SLC25A34: variants seen among roughly 807,000 people sequenced by gnomAD.
SLC25A34 encodes solute carrier family 25, member 34.
Under a neutral mutation model 28.1 loss-of-function variants are expected in SLC25A34, and 26 were observed. That is an observed-to-expected ratio of 0.93 (90% confidence interval 0.68 to 1.28). The LOEUF (loss-of-function observed/expected upper bound fraction) is 1.28, where lower values mean the gene tolerates loss of function less well. Among genes scored for constraint, SLC25A34 ranks in the 50% most tolerant of loss-of-function variants. The pLI, the probability that SLC25A34 is intolerant of heterozygous loss-of-function variation, is 0.00. For synonymous variants in SLC25A34, 182 were observed against 182.2 expected, an observed-to-expected ratio of 1.00 and a Z score of 0.01; for missense variants, 384 against 409.8, an observed-to-expected ratio of 0.94 and a Z score of 0.54.
At chr1:15,736,889 C>T in intron 1 of SLC25A34, 26 bp downstream of exon 1, 1 of 1,495,634 alleles carries the variant, frequency 6.7e-7, no homozygotes, top group Non-Finnish European at 8.9e-7. Context: ...CCATCGTCCA[C>T]CCTCCACCAT....
intron 1 of SLC25A34, 113 bp downstream of exon 1, chr1:15,736,976 C>A: frequency 8.5e-7 from 1 of 1,173,546 alleles, no homozygotes; most frequent in Non-Finnish European, 1.1e-6. Context: ...GTGGGGCAGC[C>A]GGGGTGGGGC....
chr1:15,738,079 C>G lies in SLC25A34; in HGVS notation c.445-14C>G, dbSNP rs2068243018. 6.2e-7 allele frequency: 1 copy of G among 1,610,918 alleles called. No homozygotes were observed. Among genetic ancestry groups the G allele is most frequent in the Non-Finnish European group, 8.5e-7 (1 of 1,178,270 alleles). On this transcript the variant is annotated splice_polypyrimidine_tract_variant and intron_variant, in intron 2 of 4. Coordinates refer to ENST00000294454, the MANE Select transcript of SLC25A34 (RefSeq NM_207348.3). ...GGCAGGGGTGGCCAGTGACCCCGTG[C>G]CCTCTCCCCACAGACTGTCCTGGGT...
At position 15,741,195 on chromosome 1, in the gene SLC25A34, C is replaced by T. The variant is rs1398289474; in HGVS notation, c.*1789C>T. 6.6e-6 allele frequency: 1 copy of T among 152,510 alleles called. No homozygotes were observed. The highest frequency in any genetic ancestry group is 1.9e-4 in the East Asian group (1 of 5,190). The allele number at this position is 152,510 out of a possible 1,614,324, so 9.4% of individuals were successfully genotyped here. Reference sequence around the variant, plus strand: ...GCCTTTCTCTAGACTGAGCACCATTCCCCGTGGGTGTGCTCTCAGCGCCGC... The same window carrying T: ...GCCTTTCTCTAGACTGAGCACCATTTCCCGTGGGTGTGCTCTCAGCGCCGC... On this transcript the variant is annotated 3_prime_UTR_variant, in exon 5 of 5. Coordinates refer to ENST00000294454, the MANE Select transcript of SLC25A34 (RefSeq NM_207348.3).
In SLC25A34 at chr1:15,739,367, T is replaced by A. The variant is rs753334582; in HGVS notation, c.876T>A (p.Leu292=). 1 of 1,575,492 alleles carries A rather than the reference T, an allele frequency of 6.3e-7. No individual in the cohort carries two copies. Among genetic ancestry groups the A allele is most frequent in the South Asian group, 1.1e-5 (1 of 87,474 alleles). ...TILSMLFWDE[L]RKLAGRAQHK... Reference sequence around the variant, plus strand: ...TCAGCATGCTCTTCTGGGACGAGCTTCGGAAACTGGCTGGGCGGGCCCAGC... The same window carrying A: ...TCAGCATGCTCTTCTGGGACGAGCTACGGAAACTGGCTGGGCGGGCCCAGC... The change falls in exon 5 of 5, where the codon CTT becomes CTA. Residue 292 remains leucine (L), a synonymous_variant. Transcript: ENST00000294454.
chr1:15,738,489 C>T (rs2068247695), intron 3 of SLC25A34, 105 bp from the exon 4 acceptor site: 6 of 1,479,714 alleles, frequency 4.1e-6, no homozygotes, highest in Non-Finnish European at 4.5e-6. Flanking sequence ...CATCTGCTCC[C>T]CTTTCTGTAG....
Position 15,739,460 on chromosome 1 carries a change from G to A in SLC25A34, c.*54G>A. 1 of 1,482,566 alleles carries A rather than the reference G, an allele frequency of 6.7e-7. No individual in the cohort carries two copies. The highest frequency in any genetic ancestry group is 8.9e-7 in the Non-Finnish European group (1 of 1,118,816). The allele number at this position is 1,482,566 out of a possible 1,614,324, so 91.8% of individuals were successfully genotyped here. ...ACGGCCGGCACTTGGCCGGAAGTGA[G>A]AGCCTGCTCCAGGACAACTGGCTGT... On this transcript the variant is annotated 3_prime_UTR_variant, in exon 5 of 5. Transcript: ENST00000294454.
intron 1 of SLC25A34, among the ~76,000 whole-genome samples, chr1:15,737,484 C>T (rs2068235461): frequency 6.6e-6 from 1 of 151,628 alleles, no homozygotes; most frequent in African/African-American, 2.4e-5. Flanking sequence ...GCAGGAGAAT[C>T]ACTTGAGCCC....
rs2068227899 is a variant in SLC25A34 at position 15,736,721 on chromosome 1, A to G, written c.236A>G (p.Tyr79Cys). ...AAGGGGCTGGCTGCCGGCCTTCTGTACCAAGGCCTCATGAATGGCGTTCGT... is the reference window on the plus strand; with the variant it reads ...AAGGGGCTGGCTGCCGGCCTTCTGTGCCAAGGCCTCATGAATGGCGTTCGT... ...LQKGLAAGLL[Y>C]QGLMNGVRFY... Residue 79 changes from tyrosine (Y) to cysteine (C), a missense_variant, in exon 1 of 5, where the codon TAC becomes TGC. Transcript: ENST00000294454. 6.2e-7 allele frequency: 1 copy of G among 1,610,080 alleles called. No individual in the cohort carries two copies. Among genetic ancestry groups the G allele is most frequent in the African/African-American group, 1.3e-5 (1 of 74,988 alleles).
chr1:15,736,805 T>C lies in SLC25A34; in HGVS notation c.320T>C (p.Val107Ala), dbSNP rs747590869. 1.9e-6 allele frequency: 3 copies of C among 1,598,424 alleles called. No homozygotes were observed. Among genetic ancestry groups the C allele is most frequent in the Non-Finnish European group, 2.6e-6 (3 of 1,176,102 alleles). ...AGLTQQPGGT[V>A]VAGAVAGALG... is the part of the protein sequence containing the mutation. ...CTCACGCAGCAACCAGGTGGCACCG[T>C]GGTTGCGGGAGCCGTGGCGGGGGCA... The change falls in exon 1 of 5, where the codon GTG becomes GCG. Residue 107 changes from valine (V) to alanine (A), a missense_variant. Physicochemically the swap from Val to Ala is moderately conservative, Grantham distance 64 (BLOSUM62 0). Coordinates refer to ENST00000294454, the MANE Select transcript of SLC25A34 (RefSeq NM_207348.3).
Position 15,736,394 on chromosome 1 carries a change from C to T in SLC25A34, c.-92C>T. 7.6e-7 allele frequency: 1 copy of T among 1,315,856 alleles called. No homozygotes were observed. Among genetic ancestry groups the T allele is most frequent in the Non-Finnish European group, 9.7e-7 (1 of 1,029,090 alleles). The allele number at this position is 1,315,856 out of a possible 1,614,324, so 81.5% of individuals were successfully genotyped here. ...TCCCCTGCAAACCCCAGCCCCGTAG[C>T]CCTGCGAGGTTACAGACAGCCTAAA... On this transcript the variant is annotated 5_prime_UTR_variant, in exon 1 of 5. Coordinates refer to ENST00000294454, the MANE Select transcript of SLC25A34 (RefSeq NM_207348.3).
chr1:15,737,203 G>T (rs6701500), intron 1 of SLC25A34, among the ~76,000 whole-genome samples: 59,210 of 152,124 alleles, frequency 0.39, 14,098 homozygotes, highest in African/African-American at 0.67. Context: ...GAGGGCCTCC[G>T]CCTCGTGTGC....
rs2068222708 is a variant in SLC25A34, at chr1:15,736,402, G to C, written c.-84G>C. ...AAACCCCAGCCCCGTAGCCCTGCGA[G>C]GTTACAGACAGCCTAAACGCCACCA... On this transcript the variant is annotated 5_prime_UTR_variant, in exon 1 of 5. Transcript: ENST00000294454. The C allele has an allele frequency of 7.5e-7, 1 of 1,333,358 alleles. No individual in the cohort carries two copies. The highest frequency in any genetic ancestry group is 2.0e-5 in the South Asian group (1 of 48,816). 82.6% of individuals were successfully genotyped at this position (1,333,358 alleles called of 1,614,324 possible). A position where few individuals can be genotyped will look rare whatever the true frequency, so the allele number is the denominator to read the frequency against.
Position 15,736,657 on chromosome 1 carries a change from G to T in SLC25A34, c.172G>T (p.Ala58Ser), listed in dbSNP as rs140734214. ...RPYHGFIASV[A>S]AVARADGLWG... is the part of the protein sequence containing the mutation. ...CTACCATGGCTTCATAGCCTCTGTC[G>T]CTGCTGTGGCCCGAGCAGACGGGCT... The change falls in exon 1 of 5, where the codon GCT (alanine) becomes TCT (serine). Residue 58 changes from alanine (A) to serine (S), a missense_variant. Transcript: ENST00000294454. 1.3e-6 allele frequency: 2 copies of T among 1,596,364 alleles called. No homozygotes were observed. Among genetic ancestry groups the T allele is most frequent in the Admixed American group, 3.5e-5 (2 of 56,792 alleles).
intron 3 of SLC25A34, 83 bp from the exon 4 acceptor site, chr1:15,738,511 C>G: frequency 6.5e-7 from 1 of 1,534,302 alleles, no homozygotes; most frequent in South Asian, 1.2e-5. Flanking sequence ...CCTTTTAGCC[C>G]CTGTGTGGTA....
rs1024457960 is a variant in SLC25A34, at chr1:15,739,637, G to A, written c.*231G>A. 11 of 434,996 alleles carry A rather than the reference G, an allele frequency of 2.5e-5. No individual in the cohort carries two copies. The highest frequency in any genetic ancestry group is 2.0e-4 in the African/African-American group (10 of 49,018). The allele number at this position is 434,996 out of a possible 1,614,324, so 26.9% of individuals were successfully genotyped here. ...TTCCAGACAGTTCTCTTCCTTCTCT[G>A]TACTGCGTACTGGGTCACCACATCC... On this transcript the variant is annotated 3_prime_UTR_variant, in exon 5 of 5. Transcript: ENST00000294454.
chr1:15,738,954 A>G (rs542605153), intron 4 of SLC25A34: 1 of 597,586 alleles, frequency 1.7e-6, no homozygotes, highest in East Asian at 3.3e-5. Context: ...CATCCTTATA[A>G]TCACATTCAT....
In SLC25A34 at chr1:15,736,562, C is replaced by T. The variant is rs1310169819; in HGVS notation, c.77C>T (p.Pro26Leu). 6.7e-7 allele frequency: 1 copy of T among 1,493,600 alleles called. No individual in the cohort carries two copies. Among genetic ancestry groups the T allele is most frequent in the South Asian group, 1.4e-5 (1 of 73,866 alleles). The allele number at this position is 1,493,600 out of a possible 1,614,324, so 92.5% of individuals were successfully genotyped here. ...ACCLACVFTN[P>L]LEVVKTRLQL... ...TGCCTGGCCTGTGTCTTCACCAACC[C>T]CCTGGAGGTGGTGAAGACGCGGCTG... is the stretch of plus-strand genomic sequence containing the variant. Residue 26 changes from proline (P) to leucine (L), a missense_variant, in exon 1 of 5, where the codon CCC becomes CTC. Coordinates refer to ENST00000294454, the MANE Select transcript of SLC25A34 (RefSeq NM_207348.3).
chr1:15,738,148 G>T lies in SLC25A34; in HGVS notation c.500G>T (p.Trp167Leu). Residue 167 changes from tryptophan to leucine, a missense_variant, in exon 3 of 5, where the codon TGG becomes TTG. Transcript: ENST00000294454. Reference protein sequence around the residue: ...IWRQQGLLGLWQGVGGAVPRV... With the variant: ...IWRQQGLLGLLQGVGGAVPRV... ...CGGCAGCAAGGGCTCTTGGGGCTGT[G>T]GCAGGGCGTTGGTGGGGCTGTGCCC... 1 of 1,608,286 alleles carries T rather than the reference G, an allele frequency of 6.2e-7. No homozygotes were observed. The highest frequency in any genetic ancestry group is 8.5e-7 in the Non-Finnish European group (1 of 1,176,520).
rs1240418486 is a variant in SLC25A34 at position 15,740,227 on chromosome 1, T to C, written c.*821T>C. On this transcript the variant is annotated 3_prime_UTR_variant, in exon 5 of 5. Transcript: ENST00000294454. ...TCTGGGTCCTGATCTCCTCCTCTTATAAGGACACAAATCATGTTGGCTTAG... is the reference window on the plus strand; with the variant it reads ...TCTGGGTCCTGATCTCCTCCTCTTACAAGGACACAAATCATGTTGGCTTAG... 6.6e-6 allele frequency: 1 copy of C among 151,868 alleles called. No individual in the cohort carries two copies. Among genetic ancestry groups the C allele is most frequent in the Non-Finnish European group, 1.5e-5 (1 of 68,006 alleles). 9.4% of individuals were successfully genotyped at this position (151,868 alleles called of 1,614,324 possible).
Sources: gnomAD v4.1 joint callset for allele counts (sites outside exome capture counted in the v4.1 genomes callset) on GRCh38, gnomAD v4.1.1 for gene constraint, MANE v1.5 for transcripts, NCBI Gene and HGNC (gene_info 2026-07-23, HGNC 2026-07-21) for gene names.